Variants in LINGO2 observed in about 807,000 individuals in gnomAD.
The protein encoded by LINGO2 is leucine rich repeat and Ig domain containing 2.
A neutral mutation model predicts 30.6 loss-of-function variants in LINGO2; 14 were observed. That is an observed-to-expected ratio of 0.46 (90% confidence interval 0.30 to 0.72). The LOEUF (loss-of-function observed/expected upper bound fraction) is 0.72, where lower values mean the gene tolerates loss of function less well. LINGO2 is among the 30% of genes least tolerant of loss of function. LINGO2 has a pLI of 0.07. For missense variants in LINGO2, 729 were observed against 751.7 expected (o/e 0.97, Z 0.35); for synonymous variants, 317 against 288.5 (o/e 1.10, Z -1.00).
chr9:28,873,194 C>A, the LINGO2 span, among the ~76,000 whole-genome samples: 4 of 151,830 alleles, frequency 2.6e-5, no homozygotes, highest in East Asian at 1.9e-4. Context: ...CATGGTGAAA[C>A]CTCGTCTCTA....
At chr9:28,349,712 T>C (rs1451720569) in intron 3 of LINGO2, among the ~76,000 whole-genome samples, 1 of 142,010 alleles carries the variant, frequency 7.0e-6, no homozygotes, top group Non-Finnish European at 1.5e-5. Flanking sequence ...TTCACCAAAG[T>C]TGAAATGAAG....
chr9:29,100,543 A>G, the LINGO2 span, among the ~76,000 whole-genome samples: 35,674 of 151,516 alleles, frequency 0.24, 4,315 homozygotes, highest in East Asian at 0.4. Context: ...ACAATGAACC[A>G]AGATTGTGAC....
intron 4 of LINGO2, among the ~76,000 whole-genome samples, chr9:28,208,276 T>C (rs527362623): frequency 1.3e-5 from 2 of 152,224 alleles, no homozygotes; most frequent in East Asian, 3.9e-4. Flanking sequence ...TAACCTACTC[T>C]AACTGCTGCC....
At chr9:29,205,773 G>A in the LINGO2 span, among the ~76,000 whole-genome samples, 2 of 152,032 alleles carry the variant, frequency 1.3e-5, no homozygotes, top group African/African-American at 2.4e-5. Context: ...CTCTTTTTAT[G>A]TGAACAATTA....
At chr9:29,112,816 G>T in the LINGO2 span, among the ~76,000 whole-genome samples, 2 of 152,090 alleles carry the variant, frequency 1.3e-5, no homozygotes, top group Non-Finnish European at 2.9e-5. Flanking sequence ...ATTGAAAGCT[G>T]ATAAGAAAAC....
At chr9:28,511,757 C>T (rs1471620453) in intron 1 of LINGO2, among the ~76,000 whole-genome samples, 1 of 152,210 alleles carries the variant, frequency 6.6e-6, no homozygotes, top group Non-Finnish European at 1.5e-5. Context: ...CTGGCTACAG[C>T]CCATGCATCA....
At chr9:28,117,392 G>A (rs1232438048) in intron 4 of LINGO2, among the ~76,000 whole-genome samples, 29 of 120,116 alleles carry the variant, frequency 2.4e-4, no homozygotes, top group South Asian at 1.3e-3. Context: ...CCCAGAGGTG[G>A]AGCCTACAGA....
At chr9:29,195,129 T>C in the LINGO2 span, among the ~76,000 whole-genome samples, 5 of 152,020 alleles carry the variant, frequency 3.3e-5, no homozygotes, top group South Asian at 8.3e-4. Context: ...ATACGGTATG[T>C]AAACTTTTGA....
chr9:28,482,464 T>A (rs1023970224), intron 1 of LINGO2, among the ~76,000 whole-genome samples: 2 of 152,130 alleles, frequency 1.3e-5, no homozygotes, highest in Non-Finnish European at 2.9e-5. Context: ...CACTTTTTGA[T>A]GGGGTTGTTT....
chr9:28,788,816 A>G, the LINGO2 span, among the ~76,000 whole-genome samples: 1 of 152,166 alleles, frequency 6.6e-6, no homozygotes, highest in Non-Finnish European at 1.5e-5. Flanking sequence ...CTCTCCCTTG[A>G]CATGGGATTG....
the LINGO2 span, among the ~76,000 whole-genome samples, chr9:28,694,324 A>C: frequency 2.6e-5 from 4 of 152,000 alleles, no homozygotes; most frequent in African/African-American, 4.8e-5. Flanking sequence ...GAAGGATGAG[A>C]AAGAAACTTT....
the LINGO2 span, among the ~76,000 whole-genome samples, chr9:29,123,082 T>C: frequency 2.0e-5 from 3 of 152,200 alleles, no homozygotes; most frequent in East Asian, 3.9e-4. Flanking sequence ...CAAGCCCTTG[T>C]AGTGTACAGT....
At chr9:29,183,362 G>T in the LINGO2 span, among the ~76,000 whole-genome samples, 1 of 152,182 alleles carries the variant, frequency 6.6e-6, no homozygotes, top group Admixed American at 6.5e-5. Flanking sequence ...TGAAGCCATG[G>T]GTGGAGACAA....
chr9:29,103,611 A>T, the LINGO2 span, among the ~76,000 whole-genome samples: 1 of 152,094 alleles, frequency 6.6e-6, no homozygotes, highest in Non-Finnish European at 1.5e-5. Flanking sequence ...GAAATTATAG[A>T]ATCAATATGT....
intron 3 of LINGO2, among the ~76,000 whole-genome samples, chr9:28,354,001 T>C (rs1049756774): frequency 1.3e-5 from 2 of 151,942 alleles, no homozygotes; most frequent in East Asian, 1.9e-4. Flanking sequence ...TGGGGCCTGT[T>C]GTGGGGTGGG....
At chr9:28,033,930 G>A (rs1313299495) in intron 4 of LINGO2, among the ~76,000 whole-genome samples, 12 of 152,132 alleles carry the variant, frequency 7.9e-5, no homozygotes, top group African/African-American at 2.7e-4. Context: ...GCCCTTGTGC[G>A]TTTTATTCTT....
At chr9:28,590,036 G>C (rs1563847166) in intron 1 of LINGO2, among the ~76,000 whole-genome samples, 1 of 151,992 alleles carries the variant, frequency 6.6e-6, no homozygotes, top group Non-Finnish European at 1.5e-5. Flanking sequence ...ACAAACCTGA[G>C]AAAAACAAGC....
At chr9:27,948,947 G>A (rs768585401) in exon 6 of LINGO2, 5 of 1,613,914 alleles carry the variant, frequency 3.1e-6, no homozygotes, top group Non-Finnish European at 3.4e-6. Context: ...GGTCAATGCT[G>A]TTTTTGTGCT....
At chr9:29,201,108 T>C in the LINGO2 span, among the ~76,000 whole-genome samples, 1 of 152,066 alleles carries the variant, frequency 6.6e-6, no homozygotes. Context: ...CTCCTTTCTA[T>C]GCATACTGTT....
Sources: allele counts gnomAD v4.1 joint callset (sites outside exome capture counted in the v4.1 genomes callset), GRCh38; gene constraint gnomAD v4.1.1; transcripts MANE v1.5; gene names NCBI Gene and HGNC (gene_info 2026-07-23, HGNC 2026-07-21).